The following TCF7L2 variants were observed in gnomAD, a reference collection of about 807,000 sequenced individuals.
The protein encoded by TCF7L2 is transcription factor 7 like 2, also known as transcription factor 7-like 2.
A neutral mutation model predicts 77.9 loss-of-function variants in TCF7L2; 23 were observed. The ratio of observed to expected loss-of-function variants is 0.30; its 90% confidence interval spans 0.21 to 0.42. The LOEUF (loss-of-function observed/expected upper bound fraction) is 0.42, where lower values mean the gene tolerates loss of function less well. Ranked by LOEUF, TCF7L2 falls within the 10% of genes least tolerant of loss-of-function variation. TCF7L2 has a pLI of 1.00. For synonymous variants in TCF7L2, 413 were observed against 340.2 expected, an observed-to-expected ratio of 1.21 and a Z score of -2.36; for missense variants, 654 against 793.1, an observed-to-expected ratio of 0.82 and a Z score of 2.11.
At chr10:113,091,332 GA>G (rs1308138416) in intron 5 of TCF7L2, among the ~76,000 whole-genome samples, 2 of 152,224 alleles carry the variant, frequency 1.3e-5, no homozygotes, top group Admixed American at 6.5e-5. Flanking sequence ...TTAATTCTAG[GA>G]ACACTTTTTG....
chr10:112,966,549 C>T (rs567621795), intron 4 of TCF7L2, among the ~76,000 whole-genome samples: 9 of 152,094 alleles, frequency 5.9e-5, no homozygotes, highest in East Asian at 3.9e-4. Context: ...TCCTACATCT[C>T]GGGTAGTGCT....
intron 13 of TCF7L2, chr10:113,161,534 C>A (rs1268328202): frequency 9.1e-6 from 14 of 1,534,576 alleles, no homozygotes; most frequent in East Asian, 2.4e-5. Context: ...TCTTTAATGA[C>A]CACCTTTGGT....
At chr10:112,998,374 G>A (rs1246945683) in intron 4 of TCF7L2, among the ~76,000 whole-genome samples, 1 of 152,164 alleles carries the variant, frequency 6.6e-6, no homozygotes, top group African/African-American at 2.4e-5. Flanking sequence ...ATACACAAAA[G>A]TTTTATTGGA....
chr10:113,066,578 A>G (rs910636350), intron 5 of TCF7L2, among the ~76,000 whole-genome samples: 5 of 152,184 alleles, frequency 3.3e-5, no homozygotes, highest in African/African-American at 4.8e-5. Flanking sequence ...CTAAACTTCA[A>G]ATGGATGACA....
chr10:113,110,083 T>C (rs1238235764), intron 5 of TCF7L2, among the ~76,000 whole-genome samples: 2 of 152,214 alleles, frequency 1.3e-5, no homozygotes, highest in Non-Finnish European at 2.9e-5. Context: ...GTTATATTTT[T>C]GGTTTAAAAC....
At chr10:113,012,340 C>T (rs751820745) in intron 4 of TCF7L2, among the ~76,000 whole-genome samples, 31 of 152,200 alleles carry the variant, frequency 2.0e-4, no homozygotes, top group Non-Finnish European at 3.5e-4. Flanking sequence ...GTTTATGAAA[C>T]GTAGGAGAGT....
In TCF7L2 at chr10:113,135,276, CA is replaced by C. The variant is rs530237558; in HGVS notation, c.553-5907del. The stretch of plus-strand genomic sequence containing the variant: ...TTCTTGAAAGGTCAAAGGTCAGCCA[CA>C]GGGGCGCCTCCCCCTCCCCATTCCC... On this transcript the variant is annotated intron_variant, in intron 5 of 13. Coordinates refer to ENST00000627217, the MANE Select transcript of TCF7L2 (RefSeq NM_001146274.2). Among the ~76,000 whole-genome samples, 26 of 152,332 alleles carry C rather than the reference CA, an allele frequency of 1.7e-4. 1 individual carries two copies. The South Asian group carries it at 5.2e-3, about 30-fold the overall frequency.
chr10:113,159,877 C>T (rs1261775646), intron 12 of TCF7L2, 43 bp from the exon 14 acceptor site: 1 of 936,234 alleles, frequency 1.1e-6, no homozygotes, highest in Non-Finnish European at 1.5e-6. Flanking sequence ...CCCTTTCTCC[C>T]ACGTTCTCCT....
intron 5 of TCF7L2, among the ~76,000 whole-genome samples, chr10:113,088,976 G>T (rs974256616): frequency 6.6e-6 from 1 of 151,948 alleles, no homozygotes; most frequent in Admixed American, 6.6e-5. Flanking sequence ...CCAAACAGCT[G>T]AAGTATTAAG....
Position 113,012,849 on chromosome 10 carries a change from A to G in TCF7L2, c.451-27176A>G, listed in dbSNP as rs920964602. ...ATAACACTCAAATGTAGTTCACATG[A>G]TTAATTTTGACTGATTTGTGAGAAT... On this transcript the variant is annotated intron_variant, in intron 4 of 13. Transcript: ENST00000627217. Among the ~76,000 whole-genome samples, 3 of 152,158 alleles carry G rather than the reference A, an allele frequency of 2.0e-5. No homozygotes were observed. The East Asian group carries it at 5.8e-4, about 29-fold the overall frequency.
intron 4 of TCF7L2, among the ~76,000 whole-genome samples, chr10:113,032,451 C>T (rs959074999): frequency 3.3e-5 from 5 of 152,148 alleles, no homozygotes; most frequent in Non-Finnish European, 7.4e-5. Flanking sequence ...GAAAAATTTC[C>T]TTGGAAAACA....
At chr10:113,074,598 C>T (rs932710659) in intron 5 of TCF7L2, among the ~76,000 whole-genome samples, 1 of 152,334 alleles carries the variant, frequency 6.6e-6, no homozygotes, top group Admixed American at 6.5e-5. Context: ...GCTCATCACA[C>T]ATTGACACCA....
chr10:113,101,467 T>C (rs1162558552), intron 5 of TCF7L2, among the ~76,000 whole-genome samples: 1 of 150,882 alleles, frequency 6.6e-6, no homozygotes, highest in Non-Finnish European at 1.5e-5. Context: ...TTCTTGAGTC[T>C]AGGAGTTCGA....
chr10:112,988,872 C>T (rs969602056), intron 4 of TCF7L2, among the ~76,000 whole-genome samples: 1 of 152,128 alleles, frequency 6.6e-6, no homozygotes, highest in Non-Finnish European at 1.5e-5. Context: ...TTATATATTG[C>T]AACATAACAC....
chr10:113,148,904 A>G (rs1000220205), intron 8 of TCF7L2, among the ~76,000 whole-genome samples: 11 of 152,244 alleles, frequency 7.2e-5, no homozygotes, highest in East Asian at 5.8e-4. Flanking sequence ...CTGCACCCCA[A>G]AATGTACTCA....
chr10:113,039,369 T>C (rs1564814915), intron 4 of TCF7L2, among the ~76,000 whole-genome samples: 1 of 152,232 alleles, frequency 6.6e-6, no homozygotes, highest in East Asian at 1.9e-4. Context: ...GGTAAACCTG[T>C]GCATACTAAA....
At chr10:113,157,218 A>G (rs2072109703) in intron 11 of TCF7L2, among the ~76,000 whole-genome samples, 1 of 152,206 alleles carries the variant, frequency 6.6e-6, no homozygotes, top group South Asian at 2.1e-4. Flanking sequence ...TTCTGGGTTC[A>G]GGCGATTCTC....
chr10:113,084,828 G>A (rs1212525452), intron 5 of TCF7L2, among the ~76,000 whole-genome samples: 2 of 151,740 alleles, frequency 1.3e-5, no homozygotes, highest in Non-Finnish European at 2.9e-5. Context: ...CCCGGGAGGC[G>A]GAGGTTGCAG....
intron 4 of TCF7L2, among the ~76,000 whole-genome samples, chr10:112,998,819 A>G (rs551392305): frequency 2.6e-5 from 4 of 152,308 alleles, no homozygotes; most frequent in African/African-American, 9.6e-5. Context: ...ATACATAGTG[A>G]AAGTTCTAAT....
Sources: allele counts gnomAD v4.1 joint callset (sites outside exome capture counted in the v4.1 genomes callset), GRCh38; gene constraint gnomAD v4.1.1; transcripts MANE v1.5; gene names NCBI Gene and HGNC (gene_info 2026-07-23, HGNC 2026-07-21).